The following TRAPPC9 variants were observed in gnomAD, a reference collection of about 807,000 sequenced individuals.
TRAPPC9 encodes the protein trafficking protein particle complex subunit 9.
Under a neutral mutation model 124.0 loss-of-function variants are expected in TRAPPC9, and 83 were observed. The ratio of observed to expected loss-of-function variants is 0.67; its 90% CI spans 0.56 to 0.80. The LOEUF is 0.80. Ranked by LOEUF, TRAPPC9 falls within the 30% of genes least tolerant of loss-of-function variation. TRAPPC9 has a pLI of 0.00. For synonymous variants in TRAPPC9, 638 were observed against 617.5 expected (o/e 1.03, Z -0.49); for missense variants, 1,302 against 1,508.3 (o/e 0.86, Z 2.27).
chr8:140,414,040 T>C (rs748749857), intron 5 of TRAPPC9, among the ~76,000 whole-genome samples: 21 of 152,018 alleles, frequency 1.4e-4, no homozygotes, highest in Non-Finnish European at 2.6e-4. Flanking sequence ...AGGAACCAAG[T>C]CTTGAAGGAA....
At chr8:139,861,808 G>T (rs1475243590) in intron 21 of TRAPPC9, among the ~76,000 whole-genome samples, 1 of 152,006 alleles carries the variant, frequency 6.6e-6, no homozygotes, top group Non-Finnish European at 1.5e-5. Flanking sequence ...TGTCTCCCCT[G>T]CCTGCCATGA....
chr8:139,837,489 A>G (rs1348357135), intron 21 of TRAPPC9, among the ~76,000 whole-genome samples: 1 of 152,126 alleles, frequency 6.6e-6, no homozygotes. Context: ...GCAGGAACTC[A>G]ACAACACGCT....
At chr8:140,289,501 A>G (rs1472409105) in intron 12 of TRAPPC9, among the ~76,000 whole-genome samples, 2 of 152,198 alleles carry the variant, frequency 1.3e-5, no homozygotes, top group Non-Finnish European at 2.9e-5. Context: ...GCGAGTGTGT[A>G]CTATTCCCTG....
chr8:139,895,070 C>A (rs761903249), intron 20 of TRAPPC9, among the ~76,000 whole-genome samples: 1 of 152,176 alleles, frequency 6.6e-6, no homozygotes, highest in African/African-American at 2.4e-5. Context: ...ACGTCCCGGG[C>A]TACTCGGGGA....
intron 17 of TRAPPC9, among the ~76,000 whole-genome samples, chr8:140,219,550 T>C (rs1384657131): frequency 6.6e-6 from 1 of 152,132 alleles, no homozygotes; most frequent in African/African-American, 2.4e-5. Flanking sequence ...CCACAACCAA[T>C]GACCCCAGCT....
chr8:140,145,811 T>C (rs1045457437), intron 17 of TRAPPC9, among the ~76,000 whole-genome samples: 2 of 152,154 alleles, frequency 1.3e-5, no homozygotes, highest in Admixed American at 1.3e-4. Flanking sequence ...TATTTCCATT[T>C]CATGAAACGT....
intron 21 of TRAPPC9, among the ~76,000 whole-genome samples, chr8:139,835,413 G>A (rs529604961): frequency 5.4e-4 from 82 of 152,372 alleles, no homozygotes; most frequent in African/African-American, 1.4e-3. Flanking sequence ...CCTCGCCGCC[G>A]TCCAGCCTTC....
At chr8:139,948,378 G>A (rs756497098) in intron 19 of TRAPPC9, among the ~76,000 whole-genome samples, 2 of 151,832 alleles carry the variant, frequency 1.3e-5, no homozygotes, top group African/African-American at 4.8e-5. Context: ...CCAATATAAC[G>A]GCTTCGCCTT....
intron 17 of TRAPPC9, among the ~76,000 whole-genome samples, chr8:140,114,926 TCTGA>T (rs1006960255): frequency 2.0e-5 from 3 of 151,958 alleles, no homozygotes; most frequent in African/African-American, 7.3e-5. Flanking sequence ...CAGTCAGGAG[TCTGA>T]CTACCTCCTG....
At chr8:139,823,190 C>T (rs1825372817) in intron 21 of TRAPPC9, among the ~76,000 whole-genome samples, 1 of 152,172 alleles carries the variant, frequency 6.6e-6, no homozygotes, top group South Asian at 2.1e-4. Flanking sequence ...CAGTACCCTT[C>T]CCAGTGCCCA....
At chr8:140,291,536 T>C (rs1271158338) in intron 11 of TRAPPC9, among the ~76,000 whole-genome samples, 1 of 152,260 alleles carries the variant, frequency 6.6e-6, no homozygotes, top group Non-Finnish European at 1.5e-5. Flanking sequence ...GTTCAGTACC[T>C]GTGCAGGGGC....
chr8:140,113,904 A>C (rs10099119), intron 17 of TRAPPC9, among the ~76,000 whole-genome samples: 118,349 of 152,104 alleles, frequency 0.78, 46,797 homozygotes, highest in African/African-American at 0.93. Context: ...AAAGCCTGTG[A>C]AGCTGCACCC....
intron 17 of TRAPPC9, among the ~76,000 whole-genome samples, chr8:140,141,183 C>T (rs1054856370): frequency 2.0e-5 from 3 of 152,184 alleles, no homozygotes; most frequent in Middle Eastern, 3.2e-3. Context: ...CTGTTCACTT[C>T]CCATGGTTTC....
At chr8:139,932,341 C>T (rs2233233) in intron 19 of TRAPPC9, 6,966 of 457,848 alleles carry the variant, frequency 0.015, 89 homozygotes, top group Non-Finnish European at 0.023. Flanking sequence ...TCCTTGGCCA[C>T]GGGACCTGAG....
At chr8:140,011,347 ATTT>A (rs1839104633) in intron 18 of TRAPPC9, among the ~76,000 whole-genome samples, 2 of 151,618 alleles carry the variant, frequency 1.3e-5, no homozygotes, top group African/African-American at 2.4e-5. Context: ...GTCTCGAAAA[ATTT>A]AAAAATAAAA....
intron 17 of TRAPPC9, among the ~76,000 whole-genome samples, chr8:140,092,041 C>T (rs969539291): frequency 4.7e-5 from 7 of 149,902 alleles, no homozygotes; most frequent in Non-Finnish European, 1.0e-4. Flanking sequence ...CCTCCTCCTG[C>T]CGGCCAGCTC....
At chr8:139,820,485 T>G (rs1000502190) in intron 21 of TRAPPC9, among the ~76,000 whole-genome samples, 2 of 152,212 alleles carry the variant, frequency 1.3e-5, no homozygotes, top group South Asian at 2.1e-4. Context: ...TGGCCAAATT[T>G]ATAAGAACTA....
chr8:139,953,407 C>A (rs891651496), intron 19 of TRAPPC9, among the ~76,000 whole-genome samples: 6 of 152,112 alleles, frequency 3.9e-5, no homozygotes, highest in African/African-American at 1.4e-4. Flanking sequence ...GCAAGAGAAT[C>A]GCTTGAACCC....
At chr8:140,235,292 T>C (rs2063706800) in intron 16 of TRAPPC9, among the ~76,000 whole-genome samples, 1 of 152,188 alleles carries the variant, frequency 6.6e-6, no homozygotes, top group South Asian at 2.1e-4. Context: ...TAATTTTTAG[T>C]TAAGAAATCT....
Sources: gnomAD v4.1 joint callset for allele counts (sites outside exome capture counted in the v4.1 genomes callset) on GRCh38, gnomAD v4.1.1 for gene constraint, MANE v1.5 for transcripts, NCBI Gene and HGNC (gene_info 2026-07-23, HGNC 2026-07-21) for gene names.